PTPRA: variants seen among roughly 807,000 people sequenced by gnomAD.
PTPRA encodes the protein receptor-type tyrosine-protein phosphatase alpha.
Under a neutral mutation model 104.8 loss-of-function variants are expected in PTPRA, and 25 were observed. The observed-to-expected ratio is 0.24, with a 90% CI of 0.17 to 0.33. The LOEUF (loss-of-function observed/expected upper bound fraction) is 0.33, where lower values mean the gene tolerates loss of function less well. Ranked by LOEUF, PTPRA falls within the 10% of genes least tolerant of loss-of-function variation. The probability of loss-of-function intolerance (pLI) is 1.00; values close to 1 mark genes in which losing one functional copy is unlikely to be tolerated. For missense variants in PTPRA, 765 were observed against 1,015.3 expected, an observed-to-expected ratio of 0.75 and a Z score of 3.35; for synonymous variants, 323 against 368.9, an observed-to-expected ratio of 0.88 and a Z score of 1.43.
chr20:2,864,587 A>G, the PTPRA span: 11 of 1,614,098 alleles, frequency 6.8e-6, no homozygotes, highest in Non-Finnish European at 8.5e-6. The surrounding 1 kb of genome is among the most constrained non-coding windows in gnomAD (Gnocchi z 5.2). Context: ...AAGGACCTTT[A>G]CAATCAGGAT....
intron 11 of PTPRA, 34 bp downstream of exon 11, chr20:3,007,454 G>A: frequency 6.3e-7 from 1 of 1,582,712 alleles, no homozygotes; most frequent in Non-Finnish European, 8.7e-7. Flanking sequence ...TCACTTCCCT[G>A]CCTGACCATT....
intron 11 of PTPRA, 102 bp from the exon 12 acceptor site, chr20:3,015,747 A>G (rs2064410732): frequency 2.2e-6 from 2 of 925,764 alleles, no homozygotes; most frequent in Non-Finnish European, 3.4e-6. Flanking sequence ...AAGTACCTGC[A>G]CATTTTCAGG....
intron 2 of PTPRA, among the ~76,000 whole-genome samples, chr20:2,927,545 A>G (rs1293687555): frequency 6.6e-6 from 1 of 152,142 alleles, no homozygotes; most frequent in Non-Finnish European, 1.5e-5. Context: ...ACTGTGGCCC[A>G]AATTTAGGCT....
intron 1 of PTPRA, among the ~76,000 whole-genome samples, chr20:2,909,558 G>A (rs655076): frequency 0.19 from 28,001 of 151,290 alleles, 3,852 homozygotes; most frequent in African/African-American, 0.39. Flanking sequence ...CTCCAGCCTG[G>A]ATGAGAGTGA....
chr20:2,887,977 A>T (rs1318473778), intron 1 of PTPRA, among the ~76,000 whole-genome samples: 1 of 152,138 alleles, frequency 6.6e-6, no homozygotes, highest in African/African-American at 2.4e-5. Flanking sequence ...CACTTTGTTA[A>T]CAGGGACAGA....
chr20:2,930,625 T>C (rs1044230925), intron 2 of PTPRA, among the ~76,000 whole-genome samples: 2 of 152,136 alleles, frequency 1.3e-5, no homozygotes, highest in Non-Finnish European at 2.9e-5. Context: ...CCCTGTGTTA[T>C]TTGGATTGTA....
intron 17 of PTPRA, 76 bp from the exon 18 acceptor site, chr20:3,026,611 G>T: frequency 8.4e-7 from 1 of 1,193,010 alleles, no homozygotes; most frequent in African/African-American, 1.5e-5. Flanking sequence ...TGGAGGTGCA[G>T]GCCAAGGGAC....
intron 3 of PTPRA, among the ~76,000 whole-genome samples, chr20:2,953,242 G>T (rs1213116136): frequency 2.6e-5 from 4 of 151,414 alleles, no homozygotes; most frequent in Non-Finnish European, 2.9e-5. Context: ...TTATTTTGGG[G>T]TTTTTTATTT....
intron 1 of PTPRA, among the ~76,000 whole-genome samples, chr20:2,897,384 C>CTTTTTTTTTT (rs60627339): frequency 9.2e-6 from 1 of 108,932 alleles, no homozygotes; most frequent in Non-Finnish European, 1.8e-5. Context: ...CTTGGCATTT[C>CTTTTTTTTTT]TTTTTTTTTT....
intron 1 of PTPRA, among the ~76,000 whole-genome samples, chr20:2,893,497 C>A (rs1600071604): frequency 6.6e-6 from 1 of 152,084 alleles, no homozygotes; most frequent in Non-Finnish European, 1.5e-5. Context: ...TTAATCTTAG[C>A]TGTACTTAAT....
chr20:2,972,130 G>A (rs780477540), intron 5 of PTPRA, among the ~76,000 whole-genome samples: 5 of 152,006 alleles, frequency 3.3e-5, no homozygotes, highest in Admixed American at 6.6e-5. Context: ...CGCCCTGCCA[G>A]TTTTTATTTA....
chr20:2,975,391 G>T, intron 6 of PTPRA, 150 bp downstream of exon 6: 1 of 598,796 alleles, frequency 1.7e-6, no homozygotes. Flanking sequence ...TAATCTCATG[G>T]AGAAGAGCAA....
intron 9 of PTPRA, among the ~76,000 whole-genome samples, chr20:2,994,443 A>C (rs2063319650): frequency 6.6e-6 from 1 of 152,230 alleles, no homozygotes; most frequent in Non-Finnish European, 1.5e-5. Flanking sequence ...GGTCTCCAAC[A>C]GTCTTTCTAG....
intron 5 of PTPRA, 34 bp downstream of exon 5, chr20:2,965,236 T>C (rs752433005): frequency 6.5e-7 from 1 of 1,527,832 alleles, no homozygotes; most frequent in South Asian, 1.2e-5. Context: ...TCTTTTGCTC[T>C]TTGAGTTTAG....
intron 1 of PTPRA, among the ~76,000 whole-genome samples, chr20:2,910,096 T>C (rs1334346178): frequency 8.2e-6 from 1 of 121,634 alleles, no homozygotes; most frequent in Non-Finnish European, 1.6e-5. Context: ...ATATGATATA[T>C]AACATATATA....
At chr20:3,025,988 C>T (rs981718523) in intron 17 of PTPRA, among the ~76,000 whole-genome samples, 1 of 150,498 alleles carries the variant, frequency 6.6e-6, no homozygotes, top group Non-Finnish European at 1.5e-5. Flanking sequence ...TCTTGTCACC[C>T]GGGCTGGGGT....
intron 6 of PTPRA, among the ~76,000 whole-genome samples, chr20:2,981,250 T>G (rs1477249174): frequency 6.6e-6 from 1 of 152,196 alleles, no homozygotes; most frequent in Non-Finnish European, 1.5e-5. Flanking sequence ...ATAATAGTAT[T>G]ATGTTTATGT....
chr20:3,002,570 A>T (rs1216383633), intron 9 of PTPRA, among the ~76,000 whole-genome samples: 1 of 151,374 alleles, frequency 6.6e-6, no homozygotes, highest in African/African-American at 2.4e-5. Flanking sequence ...CAAATGATCC[A>T]CCCGCCTCGG....
At chr20:2,905,234 G>A (rs898248030) in intron 1 of PTPRA, among the ~76,000 whole-genome samples, 8 of 152,122 alleles carry the variant, frequency 5.3e-5, no homozygotes, top group African/African-American at 1.9e-4. Flanking sequence ...TAGAAAAATT[G>A]TCTTCCACAA....
Sources: gnomAD v4.1 joint callset for allele counts (sites outside exome capture counted in the v4.1 genomes callset) on GRCh38, gnomAD v4.1.1 for gene constraint, Gnocchi (gnomAD v3.1) non-coding constraint, MANE v1.5 for transcripts, NCBI Gene and HGNC (gene_info 2026-07-23, HGNC 2026-07-21) for gene names.